Variants in NEK7 observed in about 807,000 individuals in gnomAD.
NEK7 encodes the protein NIMA related kinase 7, also known as serine/threonine-protein kinase Nek7.
A neutral mutation model predicts 44.6 loss-of-function variants in NEK7; 18 were observed. That is an observed-to-expected ratio of 0.40 (90% CI 0.28 to 0.60). The LOEUF (loss-of-function observed/expected upper bound fraction) is 0.60, where lower values mean the gene tolerates loss of function less well. Among genes scored for constraint, NEK7 ranks in the 20% least tolerant of loss-of-function variants. The pLI, the probability that NEK7 is intolerant of heterozygous loss-of-function variation, is 0.38. For missense variants in NEK7, 256 were observed against 366.5 expected (o/e 0.70, Z 2.46); for synonymous variants, 130 against 121.1 (o/e 1.07, Z -0.48).
chr1:198,283,168 A>C (rs1318418178), intron 7 of NEK7, among the ~76,000 whole-genome samples: 2 of 152,140 alleles, frequency 1.3e-5, no homozygotes, highest in African/African-American at 4.8e-5. Context: ...TGTAGGAGCA[A>C]TTCACATTTT....
At chr1:198,268,089 G>A (rs964601657) in intron 5 of NEK7, among the ~76,000 whole-genome samples, 1 of 150,560 alleles carries the variant, frequency 6.6e-6, no homozygotes, top group Admixed American at 6.6e-5. Context: ...TTTCTTAACT[G>A]ACTCATTCTC....
intron 1 of NEK7, among the ~76,000 whole-genome samples, chr1:198,191,581 G>T (rs1241007428): frequency 2.0e-5 from 3 of 151,254 alleles, no homozygotes; most frequent in African/African-American, 4.9e-5. Flanking sequence ...ACTTTTCTTT[G>T]TACTTTTTAA....
At chr1:198,317,185 T>C (rs1655394905) in intron 9 of NEK7, among the ~76,000 whole-genome samples, 1 of 152,230 alleles carries the variant, frequency 6.6e-6, no homozygotes, top group Non-Finnish European at 1.5e-5. Flanking sequence ...TTTTGATTCT[T>C]CTGGAAAAGG....
chr1:198,319,159 T>A (rs1655464549), intron 9 of NEK7, among the ~76,000 whole-genome samples: 1 of 152,184 alleles, frequency 6.6e-6, no homozygotes, highest in African/African-American at 2.4e-5. Context: ...AGAGAGTCCA[T>A]TTTAAAGCCT....
chr1:198,197,809 G>A (rs535415251), intron 1 of NEK7: 512 of 755,938 alleles, frequency 6.8e-4, no homozygotes, highest in Non-Finnish European at 1.1e-3. Flanking sequence ...AAGAGGAGGA[G>A]GAATGCTTGC....
intron 1 of NEK7, among the ~76,000 whole-genome samples, chr1:198,229,512 G>C (rs1666325832): frequency 6.6e-6 from 1 of 152,106 alleles, no homozygotes; most frequent in Admixed American, 6.6e-5. Context: ...CGGTGGTCTT[G>C]TGGGACTGAG....
intron 3 of NEK7, among the ~76,000 whole-genome samples, chr1:198,261,118 T>G (rs1047560917): frequency 3.3e-5 from 5 of 152,054 alleles, no homozygotes; most frequent in African/African-American, 7.2e-5. Flanking sequence ...AATCCTATAA[T>G]TCTTTCAAGG....
intron 2 of NEK7, among the ~76,000 whole-genome samples, chr1:198,251,790 C>T (rs1333143968): frequency 1.3e-5 from 2 of 151,892 alleles, no homozygotes; most frequent in Admixed American, 6.6e-5. Flanking sequence ...GTCTTGCTAG[C>T]AGTCTATCAA....
chr1:198,251,236 A>G (rs7539977), intron 2 of NEK7, among the ~76,000 whole-genome samples: 50,272 of 150,796 alleles, frequency 0.33, 9,618 homozygotes, highest in East Asian at 0.79. Flanking sequence ...CCACTTGATC[A>G]TGGTGGATAA....
At chr1:198,159,240 T>C (rs992635039) in intron 1 of NEK7, among the ~76,000 whole-genome samples, 1 of 152,042 alleles carries the variant, frequency 6.6e-6, no homozygotes. Flanking sequence ...CCGCGTTAGT[T>C]CTTTTTCTAG....
intron 5 of NEK7, among the ~76,000 whole-genome samples, chr1:198,270,953 T>G (rs1653818847): frequency 6.6e-6 from 1 of 151,948 alleles, no homozygotes; most frequent in Non-Finnish European, 1.5e-5. Flanking sequence ...TGTTCACTGG[T>G]TTTTGGGGGA....
intron 2 of NEK7, among the ~76,000 whole-genome samples, chr1:198,249,828 T>G (rs531164286): frequency 3.2e-4 from 34 of 105,480 alleles, no homozygotes; most frequent in African/African-American, 1.7e-3. Flanking sequence ...TTTCTCCCAT[T>G]TTGTAGGTTG....
intron 1 of NEK7, among the ~76,000 whole-genome samples, chr1:198,167,786 G>A (rs1664311181): frequency 6.6e-6 from 1 of 152,088 alleles, no homozygotes; most frequent in Admixed American, 6.6e-5. Flanking sequence ...TTTCTGTCTT[G>A]CATGTCTGGC....
intron 7 of NEK7, 120 bp from the exon 8 acceptor site, chr1:198,292,825 C>G (rs553983289): frequency 1.4e-6 from 1 of 711,404 alleles, no homozygotes; most frequent in South Asian, 1.6e-5. Flanking sequence ...AAACAGCTTT[C>G]GATCCTAATG....
At chr1:198,202,681 G>C (rs550998718) in intron 1 of NEK7, among the ~76,000 whole-genome samples, 29 of 152,210 alleles carry the variant, frequency 1.9e-4, no homozygotes, top group Non-Finnish European at 4.0e-4. Flanking sequence ...CAGCAGATGA[G>C]AGAATGAGAG....
chr1:198,278,426 A>T (rs764045189), intron 6 of NEK7, among the ~76,000 whole-genome samples: 3 of 149,918 alleles, frequency 2.0e-5, no homozygotes, highest in Non-Finnish European at 2.9e-5. Flanking sequence ...TTTTCATTCA[A>T]GTGGTTGAGC....
At chr1:198,296,240 G>A (rs1248181128) in intron 8 of NEK7, among the ~76,000 whole-genome samples, 1 of 152,162 alleles carries the variant, frequency 6.6e-6, no homozygotes, top group Non-Finnish European at 1.5e-5. Flanking sequence ...GTAGAAAAGG[G>A]TGACTGACTT....
At chr1:198,179,114 G>A (rs778577897) in intron 1 of NEK7, among the ~76,000 whole-genome samples, 16 of 151,072 alleles carry the variant, frequency 1.1e-4, no homozygotes, top group Non-Finnish European at 2.2e-4. Flanking sequence ...CTTCTCAACT[G>A]CTATAATTTA....
intron 7 of NEK7, among the ~76,000 whole-genome samples, chr1:198,292,298 G>A (rs540754744): frequency 2.6e-4 from 39 of 151,948 alleles, no homozygotes; most frequent in Admixed American, 1.0e-3. Flanking sequence ...AAATTATCTT[G>A]AGTGTCTTGT....
Sources: allele counts gnomAD v4.1 joint callset (sites outside exome capture counted in the v4.1 genomes callset), GRCh38; gene constraint gnomAD v4.1.1; transcripts MANE v1.5; gene names NCBI Gene and HGNC (gene_info 2026-07-23, HGNC 2026-07-21).